Variants in FBLIM1 observed in about 807,000 individuals in gnomAD.
The protein encoded by FBLIM1 is filamin-binding LIM protein 1.
A neutral mutation model predicts 37.4 loss-of-function variants in FBLIM1; 29 were observed. The observed-to-expected ratio is 0.77, with a 90% CI of 0.58 to 1.06. The LOEUF (loss-of-function observed/expected upper bound fraction) is 1.06. FBLIM1 is among the 50% of genes least tolerant of loss of function. The pLI, the probability that FBLIM1 is intolerant of heterozygous loss-of-function variation, is 0.00. For synonymous variants in FBLIM1, 193 were observed against 199.0 expected (o/e 0.97, Z 0.25); for missense variants, 449 against 505.6 (o/e 0.89, Z 1.07).
intron 8 of FBLIM1, among the ~76,000 whole-genome samples, chr1:15,777,532 A>T (rs996295964): frequency 2.0e-5 from 3 of 150,498 alleles, no homozygotes; most frequent in African/African-American, 4.9e-5. Flanking sequence ...TGGTGCTGGG[A>T]TCACTGATGG....
At chr1:15,774,903 C>T in intron 7 of FBLIM1, 107 bp downstream of exon 7, 1 of 1,600,062 alleles carries the variant, frequency 6.2e-7, no homozygotes, top group Non-Finnish European at 8.5e-7. Flanking sequence ...AGTTTCCTGT[C>T]TACTGGTTTA....
At chr1:15,784,437 AG>A in intron 8 of FBLIM1, 110 bp from the exon 9 acceptor site, 1 of 785,198 alleles carries the variant, frequency 1.3e-6, no homozygotes, top group Non-Finnish European at 2.1e-6. Flanking sequence ...CCACTTAGGA[AG>A]GGCATCCACT....
intron 1 of FBLIM1, among the ~76,000 whole-genome samples, chr1:15,763,651 A>G (rs891545091): frequency 4.0e-5 from 6 of 151,770 alleles, no homozygotes; most frequent in Non-Finnish European, 5.9e-5. Flanking sequence ...ATAAAAATAA[A>G]TAAAAAAAGA....
chr1:15,763,407 C>T (rs1047703380), intron 1 of FBLIM1, among the ~76,000 whole-genome samples: 4 of 151,426 alleles, frequency 2.6e-5, no homozygotes, highest in East Asian at 4.1e-4. Context: ...CTGAGGTGGG[C>T]GGATCACGAG....
At chr1:15,770,690 T>A (rs907897777) in intron 6 of FBLIM1, 112 bp downstream of exon 6, 1 of 1,268,876 alleles carries the variant, frequency 7.9e-7, no homozygotes, top group East Asian at 2.5e-5. Context: ...TTGACCCCTT[T>A]CACAGATGAG....
chr1:15,771,879 T>C (rs2069233794), intron 6 of FBLIM1, among the ~76,000 whole-genome samples: 1 of 151,734 alleles, frequency 6.6e-6, no homozygotes, highest in Admixed American at 6.6e-5. Flanking sequence ...CATCTGGCTC[T>C]GGAGCCTGCC....
At chr1:15,779,580 G>C (rs2069583722) in intron 8 of FBLIM1, among the ~76,000 whole-genome samples, 1 of 152,048 alleles carries the variant, frequency 6.6e-6, no homozygotes, top group African/African-American at 2.4e-5. Flanking sequence ...TGGGATTACA[G>C]GTGTGAGCCA....
intron 5 of FBLIM1, among the ~76,000 whole-genome samples, chr1:15,768,975 C>T (rs2069066949): frequency 6.6e-6 from 1 of 152,134 alleles, no homozygotes; most frequent in Non-Finnish European, 1.5e-5. Flanking sequence ...CTGCCCCATC[C>T]CCCTACCACC....
chr1:15,783,569 CTTTTTTTT>C (rs58141962), intron 8 of FBLIM1, among the ~76,000 whole-genome samples: 1 of 81,258 alleles, frequency 1.2e-5, no homozygotes, highest in Non-Finnish European at 2.3e-5. Flanking sequence ...AACTTACGTT[CTTTTTTTT>C]TTTTTTTTTT....
chr1:15,779,396 C>T (rs544823544), intron 8 of FBLIM1, among the ~76,000 whole-genome samples: 43 of 152,222 alleles, frequency 2.8e-4, no homozygotes, highest in African/African-American at 1.0e-3. Context: ...CCTCCACCTC[C>T]TGGGTTCATG....
rs536365232 is a variant in FBLIM1, at chr1:15,761,816, G to A, written c.-210-2680G>A. Among the ~76,000 whole-genome samples, 5 of 152,240 alleles carry A rather than the reference G, an allele frequency of 3.3e-5. 1 individual carries two copies. The South Asian group carries it at 6.2e-4, about 19-fold the overall frequency. On this transcript the variant is annotated intron_variant, in intron 1 of 8. Coordinates refer to ENST00000375766, the MANE Select transcript of FBLIM1 (RefSeq NM_017556.4). ...TTGTTTTTATTATCATCCATCAGTC[G>A]CTGTGAACCCAAAGTGGCCAGTGCA...
rs776671997 is a variant in FBLIM1, at chr1:15,765,040, C to G, written c.57C>G (p.Pro19=). Residue 19 remains proline, a synonymous_variant, in exon 3 of 9, where the codon CCC becomes CCG. Transcript: ENST00000375766. This position sits in a 1 kb window ranked among gnomAD's most constrained non-coding sequence, Gnocchi z 5.9. ...CGTCTGTCTTTATCACCCTGGCACC[C>G]CCGCGCCGCGATGTGGCCGTGGCGG... ...VASSVFITLA[P]PRRDVAVAEE... 4.1e-5 allele frequency: 66 copies of G among 1,613,944 alleles called. No homozygotes were observed. Among genetic ancestry groups the G allele is most frequent in the Non-Finnish European group, 5.5e-5 (65 of 1,180,004 alleles).
In FBLIM1 at chr1:15,774,673, G is replaced by A; in HGVS notation, c.767G>A (p.Arg256Lys). The A allele has an allele frequency of 6.2e-7, 1 of 1,614,064 alleles. No homozygotes were observed. Among genetic ancestry groups the A allele is most frequent in the Non-Finnish European group, 8.5e-7 (1 of 1,180,004 alleles). The change falls in exon 7 of 9, where the codon AGG becomes AAG. Residue 256 changes from arginine (R) to lysine (K), a missense_variant. Transcript: ENST00000375766. The stretch of plus-strand genomic sequence containing the variant: ...GAGGTGGTCCGGGACCACATCATCA[G>A]GGCCCTGGGCCAGGCCTTCCACCCC... The part of the protein sequence containing the change: ...CGEVVRDHII[R>K]ALGQAFHPSC...
chr1:15,770,025 T>C (rs2069125072), intron 5 of FBLIM1, among the ~76,000 whole-genome samples: 1 of 151,910 alleles, frequency 6.6e-6, no homozygotes, highest in African/African-American at 2.4e-5. Flanking sequence ...CGGCTCACTA[T>C]AACCTCTGCC....
chr1:15,786,495 C>T lies in FBLIM1; in HGVS notation c.*1834C>T, dbSNP rs1392231911. On this transcript the variant is annotated 3_prime_UTR_variant, in exon 9 of 9. Transcript: ENST00000375766. ...GTTTTCACTCACTTCTGACTTTAGC[C>T]TCGTGCTGAGCCGTGTATCCATGCA... is the stretch of plus-strand genomic sequence containing the variant. The T allele has an allele frequency of 6.6e-6, 1 of 152,246 alleles. No individual in the cohort carries two copies. The highest frequency in any genetic ancestry group is 2.4e-5 in the African/African-American group (1 of 41,462). 9.4% of individuals were successfully genotyped at this position (152,246 alleles called of 1,614,324 possible).
At chr1:15,775,443 A>G (rs145840404) in intron 7 of FBLIM1, among the ~76,000 whole-genome samples, 8,083 of 150,910 alleles carry the variant, frequency 0.054, 341 homozygotes, top group Non-Finnish European at 0.073. Context: ...GCTGAGGCAG[A>G]AGAATCACTT....
At chr1:15,766,061 ATC>A (rs2068902897) in intron 3 of FBLIM1, among the ~76,000 whole-genome samples, 1 of 151,970 alleles carries the variant, frequency 6.6e-6, no homozygotes, top group Non-Finnish European at 1.5e-5. Flanking sequence ...CACCCCAAGT[ATC>A]TCTGATTCAG....
chr1:15,767,279 G>T, intron 3 of FBLIM1, 97 bp from the exon 4 acceptor site: 1 of 1,126,744 alleles, frequency 8.9e-7, no homozygotes, highest in South Asian at 1.7e-5. Flanking sequence ...CCCGACCGGG[G>T]CCCTCAGCTT....
In FBLIM1 at chr1:15,774,797, G is replaced by A. The variant is rs2069410734; in HGVS notation, c.890+1G>A. 6.2e-7 allele frequency: 1 copy of A among 1,614,012 alleles called. No individual in the cohort carries two copies. The highest frequency in any genetic ancestry group is 8.5e-7 in the Non-Finnish European group (1 of 1,180,000). ...TGTACTGCCTGGACGACTTCTACAG[G>A]TACGAGAAGGGTTTGTGCACTGGGT... is the stretch of plus-strand genomic sequence containing the variant. On this transcript the variant is annotated splice_donor_variant, in intron 7 of 8. Coordinates refer to ENST00000375766, the MANE Select transcript of FBLIM1 (RefSeq NM_017556.4). LOFTEE classifies it high-confidence loss of function.
Sources: gnomAD v4.1 joint callset for allele counts (sites outside exome capture counted in the v4.1 genomes callset) on GRCh38, gnomAD v4.1.1 for gene constraint, Gnocchi (gnomAD v3.1) non-coding constraint, MANE v1.5 for transcripts, NCBI Gene and HGNC (gene_info 2026-07-23, HGNC 2026-07-21) for gene names.